Variants in NRG3 observed in about 807,000 individuals in gnomAD.
The protein encoded by NRG3 is pro-neuregulin-3, membrane-bound isoform.
Under a neutral mutation model 66.9 loss-of-function variants are expected in NRG3, and 31 were observed. That is an observed-to-expected ratio of 0.46 (90% confidence interval 0.35 to 0.63). The LOEUF (loss-of-function observed/expected upper bound fraction) is 0.63, where lower values mean the gene tolerates loss of function less well. Ranked by LOEUF, NRG3 falls within the 20% of genes least tolerant of loss-of-function variation. The pLI, the probability that NRG3 is intolerant of heterozygous loss-of-function variation, is 0.00. For missense variants in NRG3, 910 were observed against 878.9 expected, an observed-to-expected ratio of 1.04 and a Z score of -0.45; for synonymous variants, 393 against 359.4, an observed-to-expected ratio of 1.09 and a Z score of -1.06.
At chr10:82,273,041 G>T (rs890234174) in intron 1 of NRG3, among the ~76,000 whole-genome samples, 3 of 152,142 alleles carry the variant, frequency 2.0e-5, no homozygotes, top group Middle Eastern at 6.8e-3. Context: ...TCAAGTTGGG[G>T]TTGTCTTTTA....
intron 1 of NRG3, among the ~76,000 whole-genome samples, chr10:81,906,781 G>A (rs1407262415): frequency 1.3e-5 from 2 of 152,170 alleles, no homozygotes; most frequent in Non-Finnish European, 2.9e-5. Context: ...GAGAACGTTT[G>A]CAAAGTTATC....
At chr10:82,783,756 C>T (rs2060220892) in intron 3 of NRG3, among the ~76,000 whole-genome samples, 1 of 152,110 alleles carries the variant, frequency 6.6e-6, no homozygotes, top group Non-Finnish European at 1.5e-5. Context: ...TAGGAAGAAT[C>T]AATATCGTGA....
chr10:82,846,143 A>G (rs2063298602), intron 3 of NRG3, among the ~76,000 whole-genome samples: 2 of 152,106 alleles, frequency 1.3e-5, no homozygotes, highest in South Asian at 2.1e-4. Context: ...AGAACTGAAA[A>G]TCATGTTTTT....
At chr10:81,922,999 C>A (rs1226491812) in intron 1 of NRG3, among the ~76,000 whole-genome samples, 1 of 152,074 alleles carries the variant, frequency 6.6e-6, no homozygotes, top group Non-Finnish European at 1.5e-5. Flanking sequence ...AAATCACCTG[C>A]AAAATGTTTT....
chr10:82,396,516 C>T (rs1169325720), intron 2 of NRG3, among the ~76,000 whole-genome samples: 2 of 152,160 alleles, frequency 1.3e-5, no homozygotes, highest in East Asian at 3.9e-4. Context: ...AAGGGGGCAA[C>T]ACAGCTACAC....
intron 1 of NRG3, among the ~76,000 whole-genome samples, chr10:82,066,239 C>G (rs1411371004): frequency 1.3e-5 from 2 of 151,070 alleles, no homozygotes; most frequent in Non-Finnish European, 2.9e-5. Flanking sequence ...ATTCTTAGTA[C>G]AAGAATGTGT....
chr10:82,179,642 G>A (rs2133209242), intron 1 of NRG3, among the ~76,000 whole-genome samples: 1 of 151,906 alleles, frequency 6.6e-6, no homozygotes, highest in African/African-American at 2.4e-5. Context: ...TTTTATTACT[G>A]TAGCTTTGTA....
At position 81,977,491 on chromosome 10, in the gene NRG3, C is replaced by T. The variant is rs539588151; in HGVS notation, c.823+101328C>T. On this transcript the variant is annotated intron_variant, in intron 1 of 8. Transcript: ENST00000372141. ...TTTGTTCTGTGTTGGCTGAGTTAAT[C>T]ACTTGTGAAAAACAGCAAAATTATA... Among the ~76,000 whole-genome samples the T allele has an allele frequency of 2.6e-5, 4 of 152,298 alleles. No individual in the cohort carries two copies. The South Asian group carries it at 8.3e-4, about 32-fold the overall frequency.
chr10:82,655,205 T>A (rs949296469), intron 2 of NRG3, among the ~76,000 whole-genome samples: 1 of 152,062 alleles, frequency 6.6e-6, no homozygotes, highest in African/African-American at 2.4e-5. Flanking sequence ...TATACTTTCT[T>A]AATGAAAAAT....
At chr10:82,014,053 A>G (rs2061687550) in intron 1 of NRG3, among the ~76,000 whole-genome samples, 1 of 152,174 alleles carries the variant, frequency 6.6e-6, no homozygotes, top group South Asian at 2.1e-4. Flanking sequence ...TCAGGAACTC[A>G]CACCTAGCTG....
At chr10:82,227,857 C>A (rs1589388602) in intron 1 of NRG3, among the ~76,000 whole-genome samples, 1 of 152,268 alleles carries the variant, frequency 6.6e-6, no homozygotes, top group Admixed American at 6.5e-5. Flanking sequence ...ATGAATTCTT[C>A]CCCCAAGGCT....
chr10:81,952,104 G>A (rs185508281), intron 1 of NRG3, among the ~76,000 whole-genome samples: 2 of 152,042 alleles, frequency 1.3e-5, no homozygotes, highest in South Asian at 2.1e-4. Context: ...GGTGGGGGAA[G>A]GGGGGAGGGA....
intron 3 of NRG3, among the ~76,000 whole-genome samples, chr10:82,857,424 TG>T (rs10707431): frequency 0.016 from 2,427 of 152,302 alleles, 71 homozygotes; most frequent in African/African-American, 0.056. Flanking sequence ...GCATGACTGA[TG>T]GCCTGTCTGG....
intron 1 of NRG3, among the ~76,000 whole-genome samples, chr10:82,347,969 G>A (rs1256041797): frequency 1.3e-5 from 2 of 151,896 alleles, no homozygotes; most frequent in Non-Finnish European, 2.9e-5. Context: ...GTCTCTGCAT[G>A]TGAGATGGGT....
At chr10:82,921,799 C>A (rs1440004615) in intron 4 of NRG3, among the ~76,000 whole-genome samples, 2 of 151,954 alleles carry the variant, frequency 1.3e-5, no homozygotes, top group African/African-American at 2.4e-5. Flanking sequence ...TCTTTGCATC[C>A]CAACATAATT....
intron 2 of NRG3, among the ~76,000 whole-genome samples, chr10:82,629,713 A>C (rs2049683561): frequency 6.6e-6 from 1 of 152,188 alleles, no homozygotes; most frequent in Admixed American, 6.5e-5. Flanking sequence ...AGAGAATTGA[A>C]GTAAACATGG....
intron 1 of NRG3, among the ~76,000 whole-genome samples, chr10:82,192,890 A>G (rs1286289420): frequency 2.0e-5 from 3 of 152,018 alleles, no homozygotes; most frequent in Non-Finnish European, 4.4e-5. Context: ...GTCAGGGAGA[A>G]CAACTTTCCA....
chr10:82,514,302 G>A (rs1327261555), intron 2 of NRG3, among the ~76,000 whole-genome samples: 1 of 152,054 alleles, frequency 6.6e-6, no homozygotes, highest in Non-Finnish European at 1.5e-5. Context: ...TTTCTTCTAG[G>A]GTTTTTGTAG....
At chr10:82,455,513 C>T (rs928823322) in intron 2 of NRG3, among the ~76,000 whole-genome samples, 1 of 151,976 alleles carries the variant, frequency 6.6e-6, no homozygotes, top group Non-Finnish European at 1.5e-5. Context: ...CTGGAAGTTG[C>T]TGTAGGTGAG....
Sources: gnomAD v4.1 joint callset for allele counts (sites outside exome capture counted in the v4.1 genomes callset) on GRCh38, gnomAD v4.1.1 for gene constraint, MANE v1.5 for transcripts, NCBI Gene and HGNC (gene_info 2026-07-23, HGNC 2026-07-21) for gene names.